Variants in CBLN2 observed in about 807,000 individuals in gnomAD.
CBLN2 encodes cerebellin-2.
In CBLN2, 7 loss-of-function variants were observed where a neutral mutation model predicts 15.0. The observed-to-expected ratio is 0.47, with a 90% CI of 0.27 to 0.88. The LOEUF is 0.88. Ranked by LOEUF, CBLN2 falls within the 40% of genes least tolerant of loss-of-function variation. The pLI is 0.14. For missense variants in CBLN2, 242 were observed against 304.5 expected, an observed-to-expected ratio of 0.79 and a Z score of 1.53; for synonymous variants, 149 against 135.2, an observed-to-expected ratio of 1.10 and a Z score of -0.71.
At chr18:72,626,449 G>T (rs2069740004) in intron 1 of CBLN2, among the ~76,000 whole-genome samples, 1 of 152,052 alleles carries the variant, frequency 6.6e-6, no homozygotes, top group Admixed American at 6.6e-5. Flanking sequence ...TAAAAAAGAA[G>T]TCCACTTTGG....
At chr18:72,583,862 C>A (rs1303558739) in intron 1 of CBLN2, among the ~76,000 whole-genome samples, 1 of 152,160 alleles carries the variant, frequency 6.6e-6, no homozygotes, top group African/African-American at 2.4e-5. Context: ...GAAAAGTTGC[C>A]CTGGCAATGT....
intron 1 of CBLN2, among the ~76,000 whole-genome samples, chr18:72,589,976 T>C (rs996437546): frequency 6.6e-6 from 1 of 151,644 alleles, no homozygotes; most frequent in Admixed American, 6.6e-5. Context: ...CTACTAAAAA[T>C]ACAAAAATTA....
intron 4 of CBLN2, 117 bp from the exon 5 acceptor site, chr18:72,538,490 G>T: frequency 1.4e-6 from 2 of 1,424,784 alleles, no homozygotes; most frequent in Non-Finnish European, 2.0e-6. Flanking sequence ...GTACACATCA[G>T]GGGAGCCTGA....
intron 1 of CBLN2, among the ~76,000 whole-genome samples, chr18:72,574,067 A>G (rs1174052377): frequency 6.6e-6 from 1 of 151,658 alleles, no homozygotes; most frequent in Non-Finnish European, 1.5e-5. Context: ...ATCCCTATTC[A>G]CCGTTGGTAT....
At chr18:72,602,075 AGACT>A (rs1267894732) in intron 1 of CBLN2, among the ~76,000 whole-genome samples, 2 of 152,142 alleles carry the variant, frequency 1.3e-5, no homozygotes, top group Non-Finnish European at 2.9e-5. Flanking sequence ...GGCAGACTGC[AGACT>A]GACTGCACCA....
At chr18:72,600,133 A>G (rs1283988764) in intron 1 of CBLN2, among the ~76,000 whole-genome samples, 1 of 152,268 alleles carries the variant, frequency 6.6e-6, no homozygotes, top group Admixed American at 6.5e-5. Flanking sequence ...TATGTTGGGT[A>G]AACAAATTTT....
At chr18:72,559,795 A>C (rs998751274) in intron 1 of CBLN2, among the ~76,000 whole-genome samples, 13 of 152,188 alleles carry the variant, frequency 8.5e-5, no homozygotes, top group African/African-American at 3.1e-4. Flanking sequence ...ATAGCATTGG[A>C]GATAAAAAGC....
At chr18:72,625,806 C>CTATATATATA (rs1215798348) in intron 1 of CBLN2, among the ~76,000 whole-genome samples, 1 of 59,788 alleles carries the variant, frequency 1.7e-5, no homozygotes, top group African/African-American at 4.7e-5. Flanking sequence ...CTCTCTCTCT[C>CTATATATATA]TCTCTCTCTC....
upstream of CBLN2, among the ~76,000 whole-genome samples, chr18:72,549,017 A>AT (rs934400767): frequency 2.0e-5 from 3 of 151,278 alleles, no homozygotes; most frequent in Non-Finnish European, 4.4e-5. Context: ...TTATTTATTT[A>AT]TTTTTTATTT....
chr18:72,612,313 G>A (rs1470780740), intron 1 of CBLN2, among the ~76,000 whole-genome samples: 1 of 152,164 alleles, frequency 6.6e-6, no homozygotes, highest in Non-Finnish European at 1.5e-5. Context: ...TGTTGAATCT[G>A]TAGATTCAAG....
chr18:72,574,163 T>C (rs1472817506), intron 1 of CBLN2, among the ~76,000 whole-genome samples: 1 of 152,190 alleles, frequency 6.6e-6, no homozygotes, highest in African/African-American at 2.4e-5. Context: ...GTTTTAAGAA[T>C]TCTTTATATT....
At chr18:72,582,184 TAA>T (rs2069410425) in intron 1 of CBLN2, among the ~76,000 whole-genome samples, 1 of 152,224 alleles carries the variant, frequency 6.6e-6, no homozygotes, top group African/African-American at 2.4e-5. Flanking sequence ...CATTTTTCTC[TAA>T]GAGTGCTTTG....
At chr18:72,582,430 G>A (rs987938571) in intron 1 of CBLN2, among the ~76,000 whole-genome samples, 2 of 152,112 alleles carry the variant, frequency 1.3e-5, no homozygotes, top group South Asian at 4.2e-4. Context: ...TCTAAGGCTT[G>A]TTCTTTCAGA....
At chr18:72,546,212 C>T (rs903644643), upstream of CBLN2, among the ~76,000 whole-genome samples, 7 of 151,968 alleles carry the variant, frequency 4.6e-5, no homozygotes, top group East Asian at 3.9e-4. Context: ...CCGAGGCGGG[C>T]GGATCACGAG....
intron 1 of CBLN2, among the ~76,000 whole-genome samples, chr18:72,593,739 T>A (rs1310202734): frequency 1.3e-5 from 2 of 152,182 alleles, no homozygotes; most frequent in Non-Finnish European, 2.9e-5. Context: ...TTTTATCAAA[T>A]TTTTTAGCAT....
chr18:72,546,714 A>G (rs978805468), upstream of CBLN2, among the ~76,000 whole-genome samples: 6 of 152,196 alleles, frequency 3.9e-5, no homozygotes, highest in Admixed American at 2.6e-4. Flanking sequence ...TCTGGGATAT[A>G]ACACGATTTA....
chr18:72,633,048 C>G (rs150830644), intron 1 of CBLN2, among the ~76,000 whole-genome samples: 1 of 152,090 alleles, frequency 6.6e-6, no homozygotes, highest in East Asian at 1.9e-4. Context: ...AAAGTCGCTT[C>G]GATTGTTTCA....
At position 72,549,988 on chromosome 18, in the gene CBLN2, A is replaced by G. The variant is rs118183003; in HGVS notation, c.16-11216T>C. On this transcript the variant is annotated intron_variant, in intron 1 of 2. Coordinates refer to the CBLN2 transcript ENST00000581073. The stretch of plus-strand genomic sequence containing the variant: ...AATAGCAGAGGGAATGGTGAGATTT[A>G]TATTTGGATCTGCTAAAAACTGGTA... Among the ~76,000 whole-genome samples, 1,382 of 152,322 alleles carry G rather than the reference A, an allele frequency of 9.1e-3. 11 individuals are homozygous for G. Among genetic ancestry groups the G allele is most frequent in the Middle Eastern group, 0.048 (14 of 294 alleles).
intron 1 of CBLN2, among the ~76,000 whole-genome samples, chr18:72,551,972 T>C (rs2069194405): frequency 6.6e-6 from 1 of 152,226 alleles, no homozygotes; most frequent in African/African-American, 2.4e-5. Context: ...GGTTGTTTCT[T>C]TGTGTATGTG....
Sources: allele counts gnomAD v4.1 joint callset (sites outside exome capture counted in the v4.1 genomes callset), GRCh38; gene constraint gnomAD v4.1.1; transcripts MANE v1.5; gene names NCBI Gene and HGNC (gene_info 2026-07-23, HGNC 2026-07-21).